The following PHF20L1 variants were observed in gnomAD, a reference collection of about 807,000 sequenced individuals.
PHF20L1 encodes PHD finger protein 20 like 1.
A neutral mutation model predicts 125.5 loss-of-function variants in PHF20L1; 44 were observed. The ratio of observed to expected loss-of-function variants is 0.35; its 90% CI spans 0.28 to 0.45. The LOEUF (loss-of-function observed/expected upper bound fraction) is 0.45, where lower values mean the gene tolerates loss of function less well. Among genes scored for constraint, PHF20L1 ranks in the 20% least tolerant of loss-of-function variants. PHF20L1 has a pLI of 1.00. For missense variants in PHF20L1, 1,012 were observed against 1,217.2 expected (o/e 0.83, Z 2.51); for synonymous variants, 380 against 403.1 (o/e 0.94, Z 0.69).
At chr8:132,819,514 G>T (rs1379125718) in intron 12 of PHF20L1, among the ~76,000 whole-genome samples, 1 of 150,978 alleles carries the variant, frequency 6.6e-6, no homozygotes, top group African/African-American at 2.4e-5. Flanking sequence ...TTACAACCTT[G>T]TGTGCCTGTC....
chr8:132,775,406 AGGCGGCGGCGGCGGC>A lies in PHF20L1; in HGVS notation c.-272_-258del. 3 of 382,652 alleles carry A rather than the reference AGGCGGCGGCGGCGGC, an allele frequency of 7.8e-6. No individual in the cohort carries two copies. The highest frequency in any genetic ancestry group is 3.9e-5 in the East Asian group (1 of 25,862). 23.7% of individuals were successfully genotyped at this position (382,652 alleles called of 1,614,324 possible). ...TCGCGTCAGGGCTGGCCGGCGGCGGAGGCGGCGGCGGCGGCGGCGATGGCAGCGGACCCTGAGCGA... is the reference window on the plus strand; with the variant it reads ...TCGCGTCAGGGCTGGCCGGCGGCGGAGGCGATGGCAGCGGACCCTGAGCGA... On this transcript the variant is annotated 5_prime_UTR_variant, in exon 1 of 21. Transcript: ENST00000395386.
chr8:132,843,382 T>G (rs937194621), intron 19 of PHF20L1: 9 of 979,512 alleles, frequency 9.2e-6, no homozygotes, highest in Non-Finnish European at 1.1e-5. Context: ...TCACTGGGAT[T>G]ATCTTAGAAA....
intron 14 of PHF20L1, among the ~76,000 whole-genome samples, chr8:132,830,450 C>T (rs1282754256): frequency 2.6e-5 from 4 of 152,104 alleles, no homozygotes; most frequent in African/African-American, 9.6e-5. Context: ...CTGTCTCCCA[C>T]AGCTGCCACC....
At chr8:132,778,263 T>C (rs1830048534) in intron 2 of PHF20L1, among the ~76,000 whole-genome samples, 1 of 152,306 alleles carries the variant, frequency 6.6e-6, no homozygotes, top group Admixed American at 6.5e-5. Flanking sequence ...TTCTCATGTT[T>C]TGGATAAATT....
chr8:132,796,264 A>T (rs1270528954), intron 4 of PHF20L1, among the ~76,000 whole-genome samples: 1 of 152,060 alleles, frequency 6.6e-6, no homozygotes, highest in Admixed American at 6.6e-5. Flanking sequence ...TTTATAGGTG[A>T]TAGAATAGCT....
At chr8:132,789,254 C>A (rs1831398805) in intron 2 of PHF20L1, among the ~76,000 whole-genome samples, 1 of 152,028 alleles carries the variant, frequency 6.6e-6, no homozygotes, top group Non-Finnish European at 1.5e-5. Context: ...GTAGATACTG[C>A]CACTCTCTGA....
rs553632603 is a variant in PHF20L1, at chr8:132,775,616, C to T, written c.-67C>T. The T allele has an allele frequency of 5.8e-4, 198 of 343,650 alleles. 1 individual carries two copies. The highest frequency in any genetic ancestry group is 4.0e-3 in the African/African-American group (186 of 46,502). 21.3% of individuals were successfully genotyped at this position (343,650 alleles called of 1,614,324 possible). A position where few individuals can be genotyped will look rare whatever the true frequency, so the allele number is the denominator to read the frequency against. ...TGCCCCAGCTCGGCCCCGGACGGCC[C>T]GGCTGCTGTGCAGAGAGGAGGCCGA... On this transcript the variant is annotated 5_prime_UTR_variant, in exon 1 of 21. Coordinates refer to ENST00000395386, the MANE Select transcript of PHF20L1 (RefSeq NM_016018.5).
At chr8:132,792,095 G>A (rs1304016009) in intron 2 of PHF20L1, among the ~76,000 whole-genome samples, 2 of 152,076 alleles carry the variant, frequency 1.3e-5, no homozygotes, top group Non-Finnish European at 2.9e-5. Flanking sequence ...TATAGATTTA[G>A]AATATGAGGG....
rs1838557164 is a variant in PHF20L1 at position 132,848,328 on chromosome 8, G to A, written c.*2405G>A. The A allele has an allele frequency of 6.6e-6, 1 of 152,342 alleles. No homozygotes were observed. The highest frequency in any genetic ancestry group is 6.6e-5 in the Admixed American group (1 of 15,238). 9.4% of individuals were successfully genotyped at this position (152,342 alleles called of 1,614,324 possible). A position where few individuals can be genotyped will look rare whatever the true frequency, so the allele number is the denominator to read the frequency against. On this transcript the variant is annotated 3_prime_UTR_variant, in exon 21 of 21. Coordinates refer to ENST00000395386, the MANE Select transcript of PHF20L1 (RefSeq NM_016018.5). ...TCATTTAATATAGAGTATACCAATC[G>A]ATTGAAGCCTTTCACAAGTAGTGCG...
At chr8:132,803,638 TGATTATTA>T (rs1833351485) in intron 6 of PHF20L1, 173 bp from the exon 7 acceptor site, 2 of 554,076 alleles carry the variant, frequency 3.6e-6, no homozygotes, top group African/African-American at 1.9e-5. Flanking sequence ...CTAACTCATT[TGATTATTA>T]AATTTGATAA....
chr8:132,843,763 C>T (rs141953026), intron 19 of PHF20L1: 16,041 of 985,060 alleles, frequency 0.016, 160 homozygotes, highest in Non-Finnish European at 0.018. Context: ...TCTTTGGAAA[C>T]GCTCTTGATT....
intron 8 of PHF20L1, chr8:132,807,914 G>C (rs1833924291): frequency 3.1e-6 from 1 of 322,958 alleles, no homozygotes; most frequent in Non-Finnish European, 6.0e-6. Flanking sequence ...GGGCCTGTTA[G>C]TAATACATAG....
intron 1 of PHF20L1, among the ~76,000 whole-genome samples, chr8:132,776,149 T>G (rs2131260004): frequency 6.6e-6 from 1 of 152,338 alleles, no homozygotes; most frequent in African/African-American, 2.4e-5. Context: ...CAGTAGACTG[T>G]CTTACTTTAT....
chr8:132,831,274 A>T (rs1234994676), intron 14 of PHF20L1, among the ~76,000 whole-genome samples: 1 of 151,858 alleles, frequency 6.6e-6, no homozygotes, highest in Non-Finnish European at 1.5e-5. Flanking sequence ...TCCCTTATTC[A>T]CTGTGTTCCA....
intron 14 of PHF20L1, among the ~76,000 whole-genome samples, chr8:132,829,591 G>A (rs1453351733): frequency 6.6e-6 from 1 of 152,026 alleles, no homozygotes; most frequent in African/African-American, 2.4e-5. Flanking sequence ...TAATCTGACA[G>A]CATCAGCATC....
intron 11 of PHF20L1, 36 bp from the exon 12 acceptor site, chr8:132,817,303 G>C (rs1371267695): frequency 1.3e-6 from 2 of 1,539,110 alleles, no homozygotes; most frequent in Non-Finnish European, 1.8e-6. Flanking sequence ...CATTTTATCT[G>C]TGTTAATATT....
chr8:132,786,668 A>G (rs1305495301), intron 2 of PHF20L1, among the ~76,000 whole-genome samples: 1 of 152,100 alleles, frequency 6.6e-6, no homozygotes, highest in Non-Finnish European at 1.5e-5. Context: ...TCCACCATTC[A>G]TTACCTCTTT....
At chr8:132,813,245 C>A in intron 9 of PHF20L1, 1 of 302,184 alleles carries the variant, frequency 3.3e-6, no homozygotes, top group Non-Finnish European at 4.9e-6. Context: ...GTTAGGAATA[C>A]TATCCATTTA....
intron 9 of PHF20L1, chr8:132,812,672 C>T (rs1363692278): frequency 1.0e-6 from 1 of 984,968 alleles, no homozygotes; most frequent in Non-Finnish European, 1.2e-6. Context: ...TGAACAAACA[C>T]TTATTTTTAT....
Sources: allele counts gnomAD v4.1 joint callset (sites outside exome capture counted in the v4.1 genomes callset), GRCh38; gene constraint gnomAD v4.1.1; transcripts MANE v1.5; gene names NCBI Gene and HGNC (gene_info 2026-07-23, HGNC 2026-07-21).